The following LHPP variants were observed in gnomAD, a reference collection of about 807,000 sequenced individuals.
LHPP encodes the protein phospholysine phosphohistidine inorganic pyrophosphate phosphatase, also known as hLHPP.
A neutral mutation model predicts 30.3 loss-of-function variants in LHPP; 24 were observed. The observed-to-expected ratio is 0.79, with a 90% CI of 0.57 to 1.11. LHPP has a LOEUF of 1.11. Ranked by LOEUF, LHPP falls within the 50% of genes most tolerant of loss-of-function variation. The pLI is 0.00. For missense variants in LHPP, 356 were observed against 367.2 expected, an observed-to-expected ratio of 0.97 and a Z score of 0.25; for synonymous variants, 150 against 157.1, an observed-to-expected ratio of 0.95 and a Z score of 0.34.
intron 5 of LHPP, 33 bp downstream of exon 5, chr10:124,498,161 A>C: frequency 1.3e-6 from 2 of 1,592,190 alleles, no homozygotes; most frequent in East Asian, 4.5e-5. Flanking sequence ...GGGTCAGGGG[A>C]GGCAGCCCCG....
At chr10:124,485,031 T>C (rs760172694) in intron 2 of LHPP, among the ~76,000 whole-genome samples, 15 of 152,164 alleles carry the variant, frequency 9.9e-5, no homozygotes, top group Non-Finnish European at 1.6e-4. Context: ...GCACTTGATA[T>C]TTTTAGTTTT....
chr10:124,498,852 C>G, intron 5 of LHPP: 1 of 311,946 alleles, frequency 3.2e-6, no homozygotes. Context: ...GTAGCTGGGA[C>G]TACAGGTATA....
In LHPP at chr10:124,610,436, GAT is replaced by G. The variant is rs1949161761; in HGVS notation, c.717-2827_717-2826del. On this transcript the variant is annotated intron_variant, in intron 6 of 6. Coordinates refer to ENST00000368842, the MANE Select transcript of LHPP (RefSeq NM_022126.4). ...GGGTGAGGGTGAGGGTGAGGGTGCT[GAT>G]GCAGCGGGTGAGGGTGAGGGTGAGG... is the stretch of plus-strand genomic sequence containing the variant. Among the ~76,000 whole-genome samples the G allele has an allele frequency of 3.7e-5, 5 of 134,044 alleles. 2 individuals are homozygous for G. Among genetic ancestry groups the G allele is most frequent in the African/African-American group, 5.9e-5 (2 of 33,934 alleles). The allele number at this position is 134,044 out of a possible 152,430, so 87.9% of individuals were successfully genotyped here.
intron 6 of LHPP, among the ~76,000 whole-genome samples, chr10:124,574,397 C>A (rs1413721643): frequency 6.6e-6 from 1 of 152,154 alleles, no homozygotes; most frequent in Non-Finnish European, 1.5e-5. Context: ...CGGCATAGTC[C>A]CCTCGAGTCC....
In LHPP at chr10:124,576,740, G is replaced by T. The variant is rs533318774; in HGVS notation, c.717-36524G>T. Among the ~76,000 whole-genome samples the T allele has an allele frequency of 1.6e-4, 24 of 152,114 alleles. No homozygotes were observed. The highest frequency in any genetic ancestry group is 5.5e-4 in the African/African-American group (23 of 41,512). ...TGGGGGGCTGAGGGGGGTTCTTTAG[G>T]GCAGGAGTTACCTGCCCTGTAGACG... is the stretch of plus-strand genomic sequence containing the variant. On this transcript the variant is annotated intron_variant, in intron 6 of 6. Coordinates refer to ENST00000368842, the MANE Select transcript of LHPP (RefSeq NM_022126.4). This position sits in a 1 kb window ranked among gnomAD's most constrained non-coding sequence, Gnocchi z 4.2.
intron 6 of LHPP, among the ~76,000 whole-genome samples, chr10:124,602,684 C>T (rs1949038940): frequency 2.0e-5 from 3 of 152,142 alleles, no homozygotes; most frequent in Admixed American, 2.0e-4. Flanking sequence ...CCCTGGGCAC[C>T]ACCCACTGGA....
intron 6 of LHPP, 60 bp from the exon 7 acceptor site, chr10:124,613,204 G>A (rs563896590): frequency 8.1e-7 from 1 of 1,241,924 alleles, no homozygotes; most frequent in Admixed American, 1.7e-5. Context: ...TGGGAGGGTG[G>A]GTGTGGCTGC....
intron 1 of LHPP, among the ~76,000 whole-genome samples, chr10:124,476,606 C>G (rs868456954): frequency 1.3e-5 from 2 of 152,164 alleles, no homozygotes; most frequent in Admixed American, 6.5e-5. Flanking sequence ...GCAGGTGGTC[C>G]CCCAGCCCAA....
intron 1 of LHPP, among the ~76,000 whole-genome samples, chr10:124,474,153 TTTTTG>T (rs1952873004): frequency 6.8e-6 from 1 of 146,306 alleles, no homozygotes; most frequent in Admixed American, 6.9e-5. Flanking sequence ...TTTTTTTTTT[TTTTTG>T]AGACAGGGTC....
intron 5 of LHPP, among the ~76,000 whole-genome samples, chr10:124,514,304 T>C (rs766488402): frequency 6.6e-6 from 1 of 152,198 alleles, no homozygotes; most frequent in African/African-American, 2.4e-5. Flanking sequence ...TTTTCTGGTG[T>C]TGATGTGTAT....
chr10:124,469,964 G>T (rs1021966351), intron 1 of LHPP, among the ~76,000 whole-genome samples: 1 of 152,192 alleles, frequency 6.6e-6, no homozygotes, highest in Non-Finnish European at 1.5e-5. Context: ...AGATGAAGGA[G>T]CAGGAGGCCC....
chr10:124,477,484 C>T (rs1952986383), intron 1 of LHPP, among the ~76,000 whole-genome samples: 1 of 152,174 alleles, frequency 6.6e-6, no homozygotes, highest in Non-Finnish European at 1.5e-5. Context: ...CGCTGCCCCC[C>T]AACCCCACTC....
chr10:124,475,030 C>CTTTTTTTTTTTTTTTTTTTTTT (rs57739169), intron 1 of LHPP, among the ~76,000 whole-genome samples: 5 of 98,656 alleles, frequency 5.1e-5, no homozygotes, highest in Non-Finnish European at 7.5e-5. Context: ...CTTCTCATGT[C>CTTTTTTTTTTTTTTTTTTTTTT]TTTTTTTTTT....
At chr10:124,547,253 C>T (rs1955372550) in intron 6 of LHPP, among the ~76,000 whole-genome samples, 1 of 152,176 alleles carries the variant, frequency 6.6e-6, no homozygotes, top group South Asian at 2.1e-4. Context: ...CCTGCAGTCC[C>T]CTGTTAACAG....
At chr10:124,529,811 A>ATG (rs1554887646) in intron 6 of LHPP, among the ~76,000 whole-genome samples, 1 of 97,064 alleles carries the variant, frequency 1.0e-5, no homozygotes, top group Non-Finnish European at 2.2e-5. Flanking sequence ...ACACACACAC[A>ATG]CGCACACACA....
intron 5 of LHPP, among the ~76,000 whole-genome samples, chr10:124,513,524 G>T (rs1323277817): frequency 7.4e-6 from 1 of 135,870 alleles, no homozygotes; most frequent in Non-Finnish European, 1.5e-5. Flanking sequence ...GAGTTCAGTG[G>T]CACAATCTCA....
chr10:124,605,516 G>T (rs1949080028), intron 6 of LHPP: 1 of 152,434 alleles, frequency 6.6e-6, no homozygotes, highest in Non-Finnish European at 1.5e-5. Context: ...ATGGGGACAG[G>T]TGAGTGGGGT....
intron 6 of LHPP, among the ~76,000 whole-genome samples, chr10:124,559,208 C>A (rs1321057342): frequency 6.6e-6 from 1 of 152,220 alleles, no homozygotes; most frequent in East Asian, 1.9e-4. Context: ...AGGGAGAGGA[C>A]CAGCAGAGGA....
At chr10:124,501,618 A>G (rs1018890831) in intron 5 of LHPP, among the ~76,000 whole-genome samples, 26 of 150,580 alleles carry the variant, frequency 1.7e-4, no homozygotes, top group Non-Finnish European at 2.4e-4. Context: ...AAAAAAAAAA[A>G]AAAGAAAAAT....
Sources: gnomAD v4.1 joint callset for allele counts (sites outside exome capture counted in the v4.1 genomes callset) on GRCh38, gnomAD v4.1.1 for gene constraint, Gnocchi (gnomAD v3.1) non-coding constraint, MANE v1.5 for transcripts, NCBI Gene and HGNC (gene_info 2026-07-23, HGNC 2026-07-21) for gene names.